C16orf78: variants seen among roughly 807,000 people sequenced by gnomAD.
The protein encoded by C16orf78 is uncharacterized protein C16orf78.
Under a neutral mutation model 27.3 loss-of-function variants are expected in C16orf78, and 19 were observed. The ratio of observed to expected loss-of-function variants is 0.70; its 90% CI spans 0.49 to 1.02. The LOEUF (loss-of-function observed/expected upper bound fraction) is 1.02, where lower values mean the gene tolerates loss of function less well. C16orf78 is among the 50% of genes least tolerant of loss of function. C16orf78 has a pLI of 0.00. For synonymous variants in C16orf78, 130 were observed against 116.1 expected (o/e 1.12, Z -0.77); for missense variants, 339 against 337.0 (o/e 1.01, Z -0.05).
chr16:49,396,355 C>T (rs1270449811), intron 3 of C16orf78, 68 bp from the exon 4 acceptor site: 3 of 1,559,966 alleles, frequency 1.9e-6, no homozygotes, highest in Non-Finnish European at 2.6e-6. Flanking sequence ...CCTTCATCCC[C>T]TTCCTGCCTA....
At chr16:49,394,598 C>T (rs1227539816) in intron 3 of C16orf78, among the ~76,000 whole-genome samples, 1 of 151,962 alleles carries the variant, frequency 6.6e-6, no homozygotes, top group Non-Finnish European at 1.5e-5. Context: ...AAATATCATT[C>T]TAAATGATGC....
intron 1 of C16orf78, among the ~76,000 whole-genome samples, chr16:49,375,225 G>A (rs543911610): frequency 1.3e-5 from 2 of 152,114 alleles, no homozygotes; most frequent in Non-Finnish European, 2.9e-5. Flanking sequence ...ATCCAGGTCA[G>A]CACCTGCCTT....
At chr16:49,386,358 A>C (rs1165818550) in intron 3 of C16orf78, among the ~76,000 whole-genome samples, 4 of 152,256 alleles carry the variant, frequency 2.6e-5, no homozygotes, top group Non-Finnish European at 5.9e-5. Flanking sequence ...AAATGGACCT[A>C]ACATATGTTT....
chr16:49,378,911 T>G (rs1167880234), intron 3 of C16orf78, among the ~76,000 whole-genome samples: 2 of 152,148 alleles, frequency 1.3e-5, no homozygotes, highest in East Asian at 3.9e-4. Flanking sequence ...CTTCATGAGT[T>G]ACAAATCATC....
intron 3 of C16orf78, 137 bp from the exon 4 acceptor site, chr16:49,396,286 C>A: frequency 1.0e-6 from 1 of 971,936 alleles, no homozygotes; most frequent in Non-Finnish European, 1.5e-6. Context: ...CCTGTGGAAG[C>A]CACGAAAAGA....
Position 49,377,615 on chromosome 16 carries a change from T to G in C16orf78, c.151-116T>G, listed in dbSNP as rs368906683. ...ACGACAGGCCCTAGAGTGTGTGTGC[T>G]GAAGCCTGTGGAGGGGAGGGACAGC... On this transcript the variant is annotated intron_variant, in intron 1 of 4. Transcript: ENST00000299191. The G allele has an allele frequency of 6.1e-5, 82 of 1,334,320 alleles. 2 individuals are homozygous for G. The highest frequency in any genetic ancestry group is 3.5e-4 in the African/African-American group (24 of 68,266). 82.7% of individuals were successfully genotyped at this position (1,334,320 alleles called of 1,614,324 possible). A position where few individuals can be genotyped will look rare whatever the true frequency, so the allele number is the denominator to read the frequency against.
chr16:49,377,549 G>A (rs146194527), intron 1 of C16orf78, among the ~76,000 whole-genome samples, 182 bp from the exon 2 acceptor site: 3 of 152,180 alleles, frequency 2.0e-5, no homozygotes, highest in East Asian at 3.9e-4. Flanking sequence ...TGGGGGCGGC[G>A]ACATGTATAC....
At chr16:49,376,805 T>G (rs910256929) in intron 1 of C16orf78, among the ~76,000 whole-genome samples, 1 of 152,094 alleles carries the variant, frequency 6.6e-6, no homozygotes, top group Non-Finnish European at 1.5e-5. Context: ...ACAAGGAAAC[T>G]AAGCCACAGA....
In C16orf78 at chr16:49,399,240, A is replaced by G. The variant is rs1166088995; in HGVS notation, c.760A>G (p.Lys254Glu). 3 of 1,614,130 alleles carry G rather than the reference A, an allele frequency of 1.9e-6. No homozygotes were observed. Among genetic ancestry groups the G allele is most frequent in the African/African-American group, 1.3e-5 (1 of 75,040 alleles). Residue 254 changes from lysine (K) to glutamate (E), a missense_variant, in exon 5 of 5, where the codon AAA (lysine) becomes GAA (glutamate). Transcript: ENST00000299191. ...PHMVEEDIDA[K>E]KVFTGIPSMA... is the part of the protein sequence containing the mutation. ...CATGGTCGAAGAGGACATAGATGCT[A>G]AAAAGGTGTTCACCGGAATACCCAG...
rs1965239002 is a variant in C16orf78 at position 49,377,774 on chromosome 16, AGAAG to A, written c.199_202del (p.Glu67ArgfsTer8). 1 of 1,599,510 alleles carries A rather than the reference AGAAG, an allele frequency of 6.3e-7. No individual in the cohort carries two copies. The highest frequency in any genetic ancestry group is 1.3e-5 in the African/African-American group (1 of 74,786). On this transcript the variant is annotated frameshift_variant, in exon 2 of 5. Transcript: ENST00000299191. LOFTEE classifies it high-confidence loss of function. ...GTGACAGTCCTTAAACGAAATAAGA[AGAAG>A]GAAGAGAAGAAAGGCAAAGGCCTCA...
intron 1 of C16orf78, among the ~76,000 whole-genome samples, chr16:49,374,318 TCA>T (rs201769769): frequency 0.025 from 3,840 of 152,312 alleles, 73 homozygotes; most frequent in Non-Finnish European, 0.038. Flanking sequence ...TCCCATCCTC[TCA>T]CAGAGACTGA....
rs570715768 is a variant in C16orf78, at chr16:49,379,403, A to G, written c.394+810A>G. On this transcript the variant is annotated intron_variant, in intron 3 of 4. Transcript: ENST00000299191. ...GAGAAATCTGGAAGGGATTCCAATT[A>G]GCCCAGGAGAAAAGTGCACAGGAGT... is the stretch of plus-strand genomic sequence containing the variant. Among the ~76,000 whole-genome samples the G allele has an allele frequency of 1.3e-4, 19 of 151,810 alleles. No individual in the cohort carries two copies. In the South Asian group the frequency reaches 3.7e-3, roughly 30 times the overall value.
intron 3 of C16orf78, among the ~76,000 whole-genome samples, chr16:49,382,101 C>G (rs911705151): frequency 6.6e-6 from 1 of 152,198 alleles, no homozygotes; most frequent in African/African-American, 2.4e-5. Flanking sequence ...ATGATGAGTT[C>G]ATGTCCTTTC....
intron 3 of C16orf78, among the ~76,000 whole-genome samples, chr16:49,380,303 T>G (rs1205937398): frequency 6.6e-6 from 1 of 152,226 alleles, no homozygotes; most frequent in Non-Finnish European, 1.5e-5. Flanking sequence ...TATATACATC[T>G]ATCCTGTTAG....
chr16:49,398,937 C>T (rs549645609), intron 4 of C16orf78, among the ~76,000 whole-genome samples, 194 bp from the exon 5 acceptor site: 2 of 152,278 alleles, frequency 1.3e-5, no homozygotes, highest in South Asian at 2.1e-4. Flanking sequence ...GTTACACAAA[C>T]GCAAACTCCC....
intron 3 of C16orf78, among the ~76,000 whole-genome samples, chr16:49,385,903 A>G (rs1313078546): frequency 6.6e-6 from 1 of 152,152 alleles, no homozygotes; most frequent in Non-Finnish European, 1.5e-5. Context: ...AAATGCTCCA[A>G]TTGAAAGACA....
intron 3 of C16orf78, among the ~76,000 whole-genome samples, chr16:49,391,105 A>G (rs757342262): frequency 1.4e-4 from 22 of 152,254 alleles, no homozygotes; most frequent in Non-Finnish European, 2.9e-4. Context: ...TTTCCAAAAC[A>G]TAAACCTTAT....
chr16:49,387,145 G>A (rs1159888529), intron 3 of C16orf78, among the ~76,000 whole-genome samples: 1 of 152,140 alleles, frequency 6.6e-6, no homozygotes, highest in African/African-American at 2.4e-5. Context: ...CATTCTGACT[G>A]GTGTGAGATG....
intron 4 of C16orf78, 24 bp from the exon 5 acceptor site, chr16:49,399,107 C>T (rs370253846): frequency 1.2e-6 from 2 of 1,611,124 alleles, no homozygotes; most frequent in African/African-American, 1.3e-5. Context: ...CTTCAACTGA[C>T]CTCTTTTGCC....
Sources: gnomAD v4.1 joint callset for allele counts (sites outside exome capture counted in the v4.1 genomes callset) on GRCh38, gnomAD v4.1.1 for gene constraint, MANE v1.5 for transcripts, NCBI Gene and HGNC (gene_info 2026-07-23, HGNC 2026-07-21) for gene names.